TIMM44: variants seen among roughly 807,000 people sequenced by gnomAD.
The protein encoded by TIMM44 is mitochondrial import inner membrane translocase subunit TIM44.
In TIMM44, 37 loss-of-function variants were observed where a neutral mutation model predicts 63.8. The ratio of observed to expected loss-of-function variants is 0.58; its 90% CI spans 0.45 to 0.76. The LOEUF (loss-of-function observed/expected upper bound fraction) is 0.76. Ranked by LOEUF, TIMM44 falls within the 30% of genes least tolerant of loss-of-function variation. TIMM44 has a pLI of 0.00. For missense variants in TIMM44, 573 were observed against 603.8 expected, an observed-to-expected ratio of 0.95 and a Z score of 0.54; for synonymous variants, 239 against 245.1, an observed-to-expected ratio of 0.98 and a Z score of 0.23.
At chr19:7,927,949 G>T in intron 11 of TIMM44, 128 bp downstream of exon 11, 2 of 1,144,352 alleles carry the variant, frequency 1.7e-6, no homozygotes, top group African/African-American at 1.5e-5. Context: ...CCCTCCCCTT[G>T]GACAAGCCCA....
chr19:7,931,765 C>A (rs564495239), intron 9 of TIMM44: 2 of 159,192 alleles, frequency 1.3e-5, no homozygotes, highest in East Asian at 1.9e-4. Context: ...GGGAGAAGAG[C>A]GGGAAGGAGC....
chr19:7,935,276 C>G, intron 3 of TIMM44, 131 bp from the exon 4 acceptor site: 1 of 815,726 alleles, frequency 1.2e-6, no homozygotes, highest in Non-Finnish European at 2.0e-6. Flanking sequence ...AGCGATTTTC[C>G]TGCCCCAGCC....
intron 10 of TIMM44, among the ~76,000 whole-genome samples, 161 bp downstream of exon 10, chr19:7,930,977 G>C (rs1734857681): frequency 6.6e-6 from 1 of 152,170 alleles, no homozygotes; most frequent in Admixed American, 6.5e-5. Flanking sequence ...GGGCAGGGGG[G>C]GATGTCAGGC....
intron 9 of TIMM44, 121 bp from the exon 10 acceptor site, chr19:7,931,309 C>T: frequency 1.1e-6 from 1 of 913,250 alleles, no homozygotes; most frequent in Non-Finnish European, 1.8e-6. Flanking sequence ...CCCCGGCTGC[C>T]ACCTGTGGGG....
In TIMM44 at chr19:7,938,113, C is replaced by G. The variant is rs1357411392; in HGVS notation, c.226G>C (p.Glu76Gln). The G allele has an allele frequency of 3.1e-6, 5 of 1,613,876 alleles. No individual in the cohort carries two copies. The highest frequency in any genetic ancestry group is 4.2e-6 in the Non-Finnish European group (5 of 1,179,990). The change falls in exon 3 of 13, where the codon GAA (glutamate) becomes CAA (glutamine). Residue 76 changes from glutamate (E) to glutamine (Q), a missense_variant. Glu to Gln is a conservative substitution (Grantham distance 29). Transcript: ENST00000270538. ...NVKQELAKNKEMKESIKKFRD... is the reference protein window; with the variant it reads ...NVKQELAKNKQMKESIKKFRD... ...AATTTTTTTATACTTTCTTTCATTT[C>G]TTTGTTTTTGGCTAATTCTTGTTTG...
At position 7,933,373 on chromosome 19, in the gene TIMM44, A is replaced by C; in HGVS notation, c.769+112T>G. On this transcript the variant is annotated intron_variant, in intron 7 of 12. Transcript: ENST00000270538. The surrounding 1 kb of genome is among the most constrained non-coding windows in gnomAD (Gnocchi z 4.3). ...AAGTGACCGGCCCACTCTGACCCCG[A>C]TCTCCTCCTCTGCAAAACGGGGCTG... is the stretch of plus-strand genomic sequence containing the variant. 1 of 964,436 alleles carries C rather than the reference A, an allele frequency of 1.0e-6. No individual in the cohort carries two copies. The highest frequency in any genetic ancestry group is 1.7e-6 in the Non-Finnish European group (1 of 586,780). The allele number at this position is 964,436 out of a possible 1,614,324, so 59.7% of individuals were successfully genotyped here.
Position 7,933,446 on chromosome 19 carries a change from G to C in TIMM44, c.769+39C>G, listed in dbSNP as rs144013431. ...TCACCTTGCGGTCCACCAACTGCCC[G>C]GGACACAGTCACCTGCCCTCCAAGA... On this transcript the variant is annotated intron_variant, in intron 7 of 12. Transcript: ENST00000270538. This position sits in a 1 kb window ranked among gnomAD's most constrained non-coding sequence, Gnocchi z 4.3. 2 of 1,585,482 alleles carry C rather than the reference G, an allele frequency of 1.3e-6. No individual in the cohort carries two copies. The highest frequency in any genetic ancestry group is 1.7e-6 in the Non-Finnish European group (2 of 1,153,990).
At position 7,943,017 on chromosome 19, in the gene TIMM44, G is replaced by A. The variant is rs2145183636; in HGVS notation, c.45+590C>T. Among the ~76,000 whole-genome samples the A allele has an allele frequency of 6.9e-6, 1 of 145,812 alleles. No homozygotes were observed. Among genetic ancestry groups the A allele is most frequent in the South Asian group, 2.2e-4 (1 of 4,448 alleles). ...ATCGCGCCATTGCACTCCAGACTGG[G>A]CGACAAGAGCGAAACTCTGTCTCAA... is the stretch of plus-strand genomic sequence containing the variant. On this transcript the variant is annotated intron_variant, in intron 1 of 12. Coordinates refer to ENST00000270538, the MANE Select transcript of TIMM44 (RefSeq NM_006351.4). This position sits in a 1 kb window ranked among gnomAD's most constrained non-coding sequence, Gnocchi z 4.3.
chr19:7,941,630 C>G (rs905139500), intron 1 of TIMM44, among the ~76,000 whole-genome samples: 3 of 151,720 alleles, frequency 2.0e-5, no homozygotes, highest in African/African-American at 7.3e-5. Context: ...GCATGCCGGG[C>G]ACTCTGTAAT....
intron 10 of TIMM44, among the ~76,000 whole-genome samples, chr19:7,930,662 T>C (rs973475868): frequency 2.1e-4 from 32 of 152,148 alleles, no homozygotes; most frequent in Admixed American, 3.9e-4. Context: ...TTTCCCAGGC[T>C]AGTCTTGAAT....
Position 7,933,049 on chromosome 19 carries a change from T to C in TIMM44, c.770-117A>G, listed in dbSNP as rs1044744575. 3.7e-5 allele frequency: 31 copies of C among 830,128 alleles called. No homozygotes were observed. Among genetic ancestry groups the C allele is most frequent in the Non-Finnish European group, 6.0e-5 (30 of 497,896 alleles). The allele number at this position is 830,128 out of a possible 1,614,324, so 51.4% of individuals were successfully genotyped here. On this transcript the variant is annotated intron_variant, in intron 7 of 12. Transcript: ENST00000270538. The surrounding 1 kb of genome is among the most constrained non-coding windows in gnomAD (Gnocchi z 4.3). ...GGGATCCACCCTGACACGGGTGGGG[T>C]CAGGGAGGGGACGGCTGTGGACCTG...
chr19:7,935,700 C>T (rs1035303309), intron 3 of TIMM44, among the ~76,000 whole-genome samples: 2 of 152,222 alleles, frequency 1.3e-5, no homozygotes, highest in Admixed American at 6.5e-5. Flanking sequence ...CTCCTGAGAA[C>T]AGGAGGCCCA....
intron 9 of TIMM44, chr19:7,932,399 G>A: frequency 3.4e-6 from 2 of 595,742 alleles, no homozygotes; most frequent in Non-Finnish European, 5.9e-6. Flanking sequence ...GAGGAGTGAG[G>A]GAAACAGACC....
Position 7,933,062 on chromosome 19 carries a change from G to A in TIMM44, c.770-130C>T, listed in dbSNP as rs536276209. 8 of 764,900 alleles carry A rather than the reference G, an allele frequency of 1.0e-5. No individual in the cohort carries two copies. The highest frequency in any genetic ancestry group is 1.6e-5 in the Non-Finnish European group (7 of 443,074). 47.4% of individuals were successfully genotyped at this position (764,900 alleles called of 1,614,324 possible). On this transcript the variant is annotated intron_variant, in intron 7 of 12. Coordinates refer to ENST00000270538, the MANE Select transcript of TIMM44 (RefSeq NM_006351.4). This position sits in a 1 kb window ranked among gnomAD's most constrained non-coding sequence, Gnocchi z 4.3. ...ACACGGGTGGGGTCAGGGAGGGGAC[G>A]GCTGTGGACCTGCATCCTCATCTGT...
At chr19:7,940,625 G>C (rs1395477431) in intron 2 of TIMM44, among the ~76,000 whole-genome samples, 1 of 152,150 alleles carries the variant, frequency 6.6e-6, no homozygotes, top group Admixed American at 6.6e-5. Context: ...AAGGGAGTCA[G>C]GTTTTGGGCT....
Position 7,943,625 on chromosome 19 carries a change from G to A in TIMM44, c.27C>T (p.Gly9=). The A allele has an allele frequency of 1.9e-6, 3 of 1,572,996 alleles. No homozygotes were observed. Among genetic ancestry groups the A allele is most frequent in the Non-Finnish European group, 2.6e-6 (3 of 1,166,452 alleles). Residue 9 remains glycine, a synonymous_variant, in exon 1 of 13, where the codon GGC becomes GGT. Coordinates refer to ENST00000270538, the MANE Select transcript of TIMM44 (RefSeq NM_006351.4). The surrounding 1 kb of genome is among the most constrained non-coding windows in gnomAD (Gnocchi z 4.3). ...CGCTCACCCGTGGACAGCGGCACCA[G>A]CCACTCCGCAGGGCCGCCGCCGCCA... MAAAALRS[G]WCRCPRRCLG...
At chr19:7,935,187 T>A in intron 3 of TIMM44, 42 bp from the exon 4 acceptor site, 1 of 1,414,492 alleles carries the variant, frequency 7.1e-7, no homozygotes. Context: ...TTTTTTTTTT[T>A]GAGACAATGT....
In TIMM44 at chr19:7,927,148, G is replaced by T; in HGVS notation, c.*39C>A. ...GTGGTGTTGCGGTGCCTCTGTGCCT[G>T]ATGACCCAGGCCGGGGCTACCTGGC... On this transcript the variant is annotated 3_prime_UTR_variant, in exon 13 of 13. Coordinates refer to ENST00000270538, the MANE Select transcript of TIMM44 (RefSeq NM_006351.4). 1 of 1,584,502 alleles carries T rather than the reference G, an allele frequency of 6.3e-7. No homozygotes were observed. Among genetic ancestry groups the T allele is most frequent in the South Asian group, 1.1e-5 (1 of 88,882 alleles).
At position 7,934,608 on chromosome 19, in the gene TIMM44, G is replaced by C. The variant is rs1984091050; in HGVS notation, c.394-370C>G. 6.6e-6 allele frequency among the ~76,000 whole-genome samples: 1 copy of C among 152,150 alleles called. No homozygotes were observed. Among genetic ancestry groups the C allele is most frequent in the African/African-American group, 2.4e-5 (1 of 41,440 alleles). ...GGGCAGGAGTCCTCTGGAGACCCGG[G>C]AACTGCCTGGCAGCAAGGATTCCCA... is the stretch of plus-strand genomic sequence containing the variant. On this transcript the variant is annotated intron_variant, in intron 4 of 12. Transcript: ENST00000270538. This position sits in a 1 kb window ranked among gnomAD's most constrained non-coding sequence, Gnocchi z 5.3.
Sources: allele counts gnomAD v4.1 joint callset (sites outside exome capture counted in the v4.1 genomes callset), GRCh38; gene constraint gnomAD v4.1.1; non-coding constraint Gnocchi (gnomAD v3.1); transcripts MANE v1.5; gene names NCBI Gene and HGNC (gene_info 2026-07-23, HGNC 2026-07-21).